The following ANKS1A variants were observed in gnomAD, a reference collection of about 807,000 sequenced individuals.
ANKS1A encodes the protein ankyrin repeat and SAM domain-containing protein 1A.
A neutral mutation model predicts 120.3 loss-of-function variants in ANKS1A; 55 were observed. The observed-to-expected ratio is 0.46, with a 90% confidence interval of 0.37 to 0.57. The LOEUF is 0.57. Among genes scored for constraint, ANKS1A ranks in the 20% least tolerant of loss-of-function variants. The pLI is 0.00. For missense variants in ANKS1A, 1,123 were observed against 1,480.3 expected, an observed-to-expected ratio of 0.76 and a Z score of 3.96; for synonymous variants, 590 against 604.7, an observed-to-expected ratio of 0.98 and a Z score of 0.36.
intron 10 of ANKS1A, among the ~76,000 whole-genome samples, chr6:35,003,054 C>T (rs1561905394): frequency 6.6e-6 from 1 of 151,012 alleles, no homozygotes; most frequent in Non-Finnish European, 1.5e-5. Context: ...GTTATTGGCA[C>T]TATTAAAACC....
chr6:34,973,217 T>G (rs1039813032), intron 3 of ANKS1A, among the ~76,000 whole-genome samples: 10 of 152,218 alleles, frequency 6.6e-5, no homozygotes. Context: ...CTCTGCCTGA[T>G]GCTTTAAAAC....
In ANKS1A at chr6:35,060,159, T is replaced by C. The variant is rs1248428739; in HGVS notation, c.2090T>C (p.Leu697Pro). The change falls in exon 13 of 24, where the codon CTG (leucine) becomes CCG (proline). Residue 697 changes from leucine (L) to proline (P), a missense_variant. Physicochemically the swap from Leu to Pro is moderately conservative, Grantham distance 98. This residue lies in a region of ANKS1A where 904 missense variants were observed against 1,130.4 expected (regional missense o/e 0.80). Coordinates refer to ENST00000360359, the MANE Select transcript of ANKS1A (RefSeq NM_015245.3). The surrounding 1 kb of genome is among the most constrained non-coding windows in gnomAD (Gnocchi z 4.5). ...CCTCTCTCATCAGGTTTACGGACGCTGGAGCAGAGTGTCGGGGAGTGGCTG... is the reference window on the plus strand; with the variant it reads ...CCTCTCTCATCAGGTTTACGGACGCCGGAGCAGAGTGTCGGGGAGTGGCTG... ...ERQKISGLRT[L>P]EQSVGEWLES... 6.2e-7 allele frequency: 1 copy of C among 1,613,684 alleles called. No homozygotes were observed. The highest frequency in any genetic ancestry group is 1.1e-5 in the South Asian group (1 of 90,892).
At position 35,090,841 on chromosome 6, in the gene ANKS1A, G is replaced by A; in HGVS notation, c.*2232G>A. The A allele has an allele frequency of 1.0e-6, 1 of 985,756 alleles. No homozygotes were observed. Among genetic ancestry groups the A allele is most frequent in the Non-Finnish European group, 1.2e-6 (1 of 830,186 alleles). 61.1% of individuals were successfully genotyped at this position (985,756 alleles called of 1,614,324 possible). On this transcript the variant is annotated 3_prime_UTR_variant, in exon 24 of 24. Coordinates refer to ENST00000360359, the MANE Select transcript of ANKS1A (RefSeq NM_015245.3). ...TCAGATGGGCTCAGTACCTGTCCCA[G>A]CCACAGGCTTCTTGTCCACCTCTTC... is the stretch of plus-strand genomic sequence containing the variant.
At chr6:34,915,471 C>T (rs1416804649) in intron 1 of ANKS1A, among the ~76,000 whole-genome samples, 1 of 152,080 alleles carries the variant, frequency 6.6e-6, no homozygotes, top group Non-Finnish European at 1.5e-5. Flanking sequence ...CCCAACCTCC[C>T]GAGTAGCTAG....
Position 35,030,217 on chromosome 6 carries a change from A to G in ANKS1A, c.2010+12158A>G, listed in dbSNP as rs1026986086. On this transcript the variant is annotated intron_variant, in intron 11 of 23. Coordinates refer to ENST00000360359, the MANE Select transcript of ANKS1A (RefSeq NM_015245.3). The stretch of plus-strand genomic sequence containing the variant: ...TTTCAACCCAAATTATTGCAGCTTT[A>G]TCTTACTTTTTCCCTCTAACTGCAG... Among the ~76,000 whole-genome samples, 4 of 152,222 alleles carry G rather than the reference A, an allele frequency of 2.6e-5. No individual in the cohort carries two copies. In the South Asian group the frequency reaches 8.3e-4, roughly 32 times the overall value.
chr6:34,921,266 T>C lies in ANKS1A; in HGVS notation c.197+31667T>C, dbSNP rs568376934. Among the ~76,000 whole-genome samples, 3 of 152,346 alleles carry C rather than the reference T, an allele frequency of 2.0e-5. No homozygotes were observed. In the East Asian group the frequency reaches 5.8e-4, roughly 29 times the overall value. On this transcript the variant is annotated intron_variant, in intron 1 of 23. Coordinates refer to ENST00000360359, the MANE Select transcript of ANKS1A (RefSeq NM_015245.3). Reference sequence around the variant, plus strand: ...TATCAAAATATGCCTTTGGGTCAAATCATAGTCTCTTCTGAACACATTTTC... The same window carrying C: ...TATCAAAATATGCCTTTGGGTCAAACCATAGTCTCTTCTGAACACATTTTC...
intron 1 of ANKS1A, among the ~76,000 whole-genome samples, chr6:34,934,439 C>T (rs147778751): frequency 0.01 from 1,544 of 152,304 alleles, 27 homozygotes; most frequent in African/African-American, 0.031. Context: ...TGAGCCACCA[C>T]GCCCAGCCAC....
intron 1 of ANKS1A, among the ~76,000 whole-genome samples, chr6:34,932,751 A>G (rs1266264515): frequency 6.6e-6 from 1 of 152,194 alleles, no homozygotes; most frequent in Non-Finnish European, 1.5e-5. Flanking sequence ...TCCATTCATC[A>G]GTTAATGGAA....
intron 1 of ANKS1A, among the ~76,000 whole-genome samples, chr6:34,921,207 A>G (rs1359273330): frequency 6.6e-6 from 1 of 152,208 alleles, no homozygotes; most frequent in African/African-American, 2.4e-5. Flanking sequence ...CTTACACAAC[A>G]TATCTAAAGG....
chr6:34,996,272 GA>G (rs1299174719), intron 10 of ANKS1A, among the ~76,000 whole-genome samples: 1 of 151,884 alleles, frequency 6.6e-6, no homozygotes, highest in East Asian at 1.9e-4. Context: ...TTTGCTCATT[GA>G]AAAAAATTAG....
At position 35,044,597 on chromosome 6, in the gene ANKS1A, C is replaced by T. The variant is rs6927424; in HGVS notation, c.2011-9502C>T. Among the ~76,000 whole-genome samples the T allele has an allele frequency of 5.3e-3, 804 of 152,308 alleles. 9 individuals carry two copies. Among genetic ancestry groups the T allele is most frequent in the African/African-American group, 0.016 (659 of 41,550 alleles). On this transcript the variant is annotated intron_variant, in intron 11 of 23. Coordinates refer to ENST00000360359, the MANE Select transcript of ANKS1A (RefSeq NM_015245.3). The surrounding 1 kb of genome is among the most constrained non-coding windows in gnomAD (Gnocchi z 4.4). The stretch of plus-strand genomic sequence containing the variant: ...CCCCAAGAGCTGCCTTGTAGAAAGG[C>T]GTCACTCCCTCACATAAAACGTTTT...
At chr6:35,034,098 T>C (rs1412416514) in intron 11 of ANKS1A, among the ~76,000 whole-genome samples, 1 of 152,230 alleles carries the variant, frequency 6.6e-6, no homozygotes, top group Non-Finnish European at 1.5e-5. Context: ...TGTGTCTGTG[T>C]GTCTGCTGAT....
chr6:35,059,570 C>T (rs1000057165), intron 12 of ANKS1A, among the ~76,000 whole-genome samples: 3 of 152,234 alleles, frequency 2.0e-5, no homozygotes, highest in Non-Finnish European at 2.9e-5. Flanking sequence ...CTCCCGGAGC[C>T]CTCGCTGTGT....
intron 10 of ANKS1A, among the ~76,000 whole-genome samples, chr6:34,995,663 T>A (rs1341260433): frequency 2.6e-5 from 4 of 152,212 alleles, no homozygotes; most frequent in Non-Finnish European, 5.9e-5. Context: ...AATCATACAA[T>A]CTGTAGCCTT....
At chr6:35,052,765 C>T (rs981034798) in intron 11 of ANKS1A, among the ~76,000 whole-genome samples, 17 of 152,018 alleles carry the variant, frequency 1.1e-4, no homozygotes, top group African/African-American at 4.1e-4. Flanking sequence ...TGGAGGGAGG[C>T]GTTTTCTTCA....
chr6:34,909,227 A>G (rs1767790882), intron 1 of ANKS1A, among the ~76,000 whole-genome samples: 1 of 152,204 alleles, frequency 6.6e-6, no homozygotes, highest in South Asian at 2.1e-4. Context: ...TGTGCCAAAT[A>G]CTACACTAGA....
rs77931672 is a variant in ANKS1A, at chr6:34,949,444, G to A, written c.198-17795G>A. On this transcript the variant is annotated intron_variant, in intron 1 of 23. Transcript: ENST00000360359. ...AGTAGAAGGAAAACCTGATTAGTTAGCATTTAAAAAGTAGGATAGTGACAG... is the reference window on the plus strand; with the variant it reads ...AGTAGAAGGAAAACCTGATTAGTTAACATTTAAAAAGTAGGATAGTGACAG... 4.2e-3 allele frequency among the ~76,000 whole-genome samples: 645 copies of A among 152,314 alleles called. 4 individuals are homozygous for A. Among genetic ancestry groups the A allele is most frequent in the African/African-American group, 0.015 (603 of 41,568 alleles).
intron 3 of ANKS1A, among the ~76,000 whole-genome samples, chr6:34,981,056 G>A (rs980021144): frequency 2.0e-5 from 3 of 152,166 alleles, no homozygotes; most frequent in African/African-American, 7.2e-5. Flanking sequence ...GGCTCCTGGG[G>A]TAGGCACAGT....
chr6:34,958,228 A>G (rs1770463246), intron 1 of ANKS1A, among the ~76,000 whole-genome samples: 1 of 152,182 alleles, frequency 6.6e-6, no homozygotes, highest in Admixed American at 6.5e-5. Flanking sequence ...CACAAAACAA[A>G]GCAACCCTGG....
Sources: allele counts gnomAD v4.1 joint callset (sites outside exome capture counted in the v4.1 genomes callset), GRCh38; gene constraint gnomAD v4.1.1; regional missense constraint gnomAD v4.1.1; non-coding constraint Gnocchi (gnomAD v3.1); transcripts MANE v1.5; gene names NCBI Gene and HGNC (gene_info 2026-07-23, HGNC 2026-07-21).